Variants in BEND5 observed in about 807,000 individuals in gnomAD.
BEND5 encodes BEN domain containing 5.
Under a neutral mutation model 43.9 loss-of-function variants are expected in BEND5, and 22 were observed. That is an observed-to-expected ratio of 0.50 (90% CI 0.36 to 0.72). The LOEUF is 0.72. Ranked by LOEUF, BEND5 falls within the 30% of genes least tolerant of loss-of-function variation. The pLI is 0.00. For missense variants in BEND5, 428 were observed against 550.6 expected (o/e 0.78, Z 2.23); for synonymous variants, 228 against 225.9 (o/e 1.01, Z -0.08).
At chr1:48,776,496 G>A (rs1336304211) in intron 1 of BEND5, 110 bp downstream of exon 1, 3 of 807,138 alleles carry the variant, frequency 3.7e-6, no homozygotes, top group African/African-American at 1.8e-5. Context: ...AAGGAGGCAG[G>A]AAGGAGCAAG....
Position 48,742,640 on chromosome 1 carries a change from T to C in BEND5, c.877A>G (p.Ile293Val). Residue 293 changes from isoleucine (I) to valine (V), a missense_variant, in exon 4 of 6, where the codon ATC (isoleucine) becomes GTC (valine). This residue lies in a region of BEND5 where 243 missense variants were observed against 286.4 expected (regional missense o/e 0.85). Coordinates refer to ENST00000371833, the MANE Select transcript of BEND5 (RefSeq NM_024603.4). ...AACACTACCTTGCCATTGTCTAGGA[T>C]ATACTTGTCCATGACAGGCGCAGGA... ...PAPAPVMDKY[I>V]LDNGKVHLGS... 6.2e-7 allele frequency: 1 copy of C among 1,600,306 alleles called. No individual in the cohort carries two copies. The highest frequency in any genetic ancestry group is 8.5e-7 in the Non-Finnish European group (1 of 1,172,698).
chr1:48,761,722 G>A (rs562921803), intron 1 of BEND5, among the ~76,000 whole-genome samples: 69 of 152,306 alleles, frequency 4.5e-4, no homozygotes, highest in African/African-American at 1.5e-3. Context: ...AATTTGCTTA[G>A]GGGTTTCTCT....
At chr1:48,740,927 C>A (rs1261300992) in intron 4 of BEND5, among the ~76,000 whole-genome samples, 1 of 152,132 alleles carries the variant, frequency 6.6e-6, no homozygotes, top group Non-Finnish European at 1.5e-5. Context: ...CCAGGTTAGT[C>A]TTATAGCAAC....
At chr1:48,764,976 C>T (rs1005768832) in intron 1 of BEND5, among the ~76,000 whole-genome samples, 4 of 152,144 alleles carry the variant, frequency 2.6e-5, no homozygotes, top group African/African-American at 9.7e-5. Flanking sequence ...GACAGGAGGC[C>T]TCATTCCCCC....
chr1:48,772,270 AGTCTCTCTT>A (rs1644873715), intron 1 of BEND5, among the ~76,000 whole-genome samples: 1 of 152,234 alleles, frequency 6.6e-6, no homozygotes, highest in Non-Finnish European at 1.5e-5. Flanking sequence ...GGAGGGAGAG[AGTCTCTCTT>A]GGGCGCAGAG....
chr1:48,764,014 C>T (rs1644407649), intron 1 of BEND5, among the ~76,000 whole-genome samples: 1 of 152,156 alleles, frequency 6.6e-6, no homozygotes, highest in Non-Finnish European at 1.5e-5. Flanking sequence ...TTAACCTTTA[C>T]TGAGAATTTA....
At position 48,728,101 on chromosome 1, in the gene BEND5, T is replaced by C. The variant is rs531320711; in HGVS notation, c.1109-58A>G. On this transcript the variant is annotated intron_variant, in intron 5 of 5. Transcript: ENST00000371833. ...AATGGTGAATTCAAGTAAAAATCTTTTAAGGAGGGTAAAAGAAAATGTACC... is the reference window on the plus strand; with the variant it reads ...AATGGTGAATTCAAGTAAAAATCTTCTAAGGAGGGTAAAAGAAAATGTACC... The C allele has an allele frequency of 6.7e-5, 100 of 1,490,128 alleles. No homozygotes were observed. In the South Asian group the frequency reaches 1.3e-3, roughly 19 times the overall value. The allele number at this position is 1,490,128 out of a possible 1,614,324, so 92.3% of individuals were successfully genotyped here.
intron 2 of BEND5, among the ~76,000 whole-genome samples, chr1:48,760,542 G>A (rs567515953): frequency 6.6e-6 from 1 of 152,320 alleles, no homozygotes; most frequent in South Asian, 2.1e-4. Flanking sequence ...CAATATGTCT[G>A]CGTCACTATA....
chr1:48,776,541 C>T lies in BEND5; in HGVS notation c.226+65G>A, dbSNP rs985456948. The T allele has an allele frequency of 7.3e-6, 9 of 1,229,358 alleles. No individual in the cohort carries two copies. In the East Asian group the frequency reaches 2.8e-4, roughly 39 times the overall value. The allele number at this position is 1,229,358 out of a possible 1,614,324, so 76.2% of individuals were successfully genotyped here. On this transcript the variant is annotated intron_variant, in intron 1 of 5. Coordinates refer to ENST00000371833, the MANE Select transcript of BEND5 (RefSeq NM_024603.4). ...CCCCCGGTCCCCTCCGCCCGGGCCC[C>T]CGGCCCCTCCCGGGGTCCCAGCCCC... is the stretch of plus-strand genomic sequence containing the variant.
intron 5 of BEND5, among the ~76,000 whole-genome samples, chr1:48,735,974 G>A (rs1294102175): frequency 3.3e-5 from 5 of 152,104 alleles, no homozygotes; most frequent in Non-Finnish European, 7.4e-5. Context: ...CTCCCCTCCT[G>A]AGAACTCCCT....
At chr1:48,741,808 T>C (rs1649955522) in intron 4 of BEND5, among the ~76,000 whole-genome samples, 1 of 152,210 alleles carries the variant, frequency 6.6e-6, no homozygotes, top group Admixed American at 6.5e-5. Flanking sequence ...ATGTCTGTAA[T>C]GCATGCCACA....
chr1:48,765,236 C>A (rs1644473281), intron 1 of BEND5, among the ~76,000 whole-genome samples: 2 of 152,128 alleles, frequency 1.3e-5, no homozygotes, highest in African/African-American at 4.8e-5. Flanking sequence ...TAGAACTATC[C>A]ATACAATAGA....
At position 48,751,130 on chromosome 1, in the gene BEND5, G is replaced by C. The variant is rs74492115; in HGVS notation, c.745+7770C>G. The stretch of plus-strand genomic sequence containing the variant: ...GTCCATCTATAAGATAGGGGTGAAA[G>C]GCTGAACTGGGTTCTCTCTAAAGAG... On this transcript the variant is annotated intron_variant, in intron 3 of 5. Transcript: ENST00000371833. Among the ~76,000 whole-genome samples the C allele has an allele frequency of 5.9e-5, 9 of 152,330 alleles. No individual in the cohort carries two copies. In the South Asian group the frequency reaches 8.3e-4, roughly 14 times the overall value.
chr1:48,756,802 C>T (rs1643955407), intron 3 of BEND5, among the ~76,000 whole-genome samples: 1 of 152,070 alleles, frequency 6.6e-6, no homozygotes, highest in South Asian at 2.1e-4. Context: ...TGCCTGTAGC[C>T]CTGAGAGGAT....
intron 4 of BEND5, among the ~76,000 whole-genome samples, chr1:48,737,141 A>G (rs2054726): frequency 0.99 from 150,215 of 152,210 alleles, 74,151 homozygotes; most frequent in South Asian, 1. Context: ...AAAATTAGCC[A>G]GGTGTGGTGG....
In BEND5 at chr1:48,728,129, C is replaced by T. The variant is rs958554900; in HGVS notation, c.1109-86G>A. On this transcript the variant is annotated intron_variant, in intron 5 of 5. Coordinates refer to ENST00000371833, the MANE Select transcript of BEND5 (RefSeq NM_024603.4). ...AGGAGGGTAAAAGAAAATGTACCTC[C>T]CAACATACTTCCCAAATACCAGCTT... The T allele has an allele frequency of 8.9e-6, 11 of 1,232,612 alleles. No individual in the cohort carries two copies. In the African/African-American group the frequency reaches 1.5e-4, roughly 17 times the overall value. The allele number at this position is 1,232,612 out of a possible 1,614,324, so 76.4% of individuals were successfully genotyped here.
At chr1:48,748,428 C>T (rs1199880441) in intron 3 of BEND5, among the ~76,000 whole-genome samples, 1 of 152,186 alleles carries the variant, frequency 6.6e-6, no homozygotes, top group Non-Finnish European at 1.5e-5. Flanking sequence ...CACTGTCCAG[C>T]AGTGGAAAGA....
chr1:48,767,328 T>C (rs1038753451), intron 1 of BEND5, among the ~76,000 whole-genome samples: 1 of 152,210 alleles, frequency 6.6e-6, no homozygotes, highest in African/African-American at 2.4e-5. Context: ...TTGTCATAGA[T>C]GTTCAATAAA....
At chr1:48,742,582 C>A in intron 4 of BEND5, 41 bp downstream of exon 4, 1 of 1,463,586 alleles carries the variant, frequency 6.8e-7, no homozygotes, top group Non-Finnish European at 9.1e-7. Context: ...CTCTGACTAA[C>A]AAACACTTGC....
Sources: gnomAD v4.1 joint callset for allele counts (sites outside exome capture counted in the v4.1 genomes callset) on GRCh38, gnomAD v4.1.1 for gene constraint, gnomAD v4.1.1 regional missense constraint, MANE v1.5 for transcripts, NCBI Gene and HGNC (gene_info 2026-07-23, HGNC 2026-07-21) for gene names.